The following THSD7A variants were observed in gnomAD, a reference collection of about 807,000 sequenced individuals.
The protein encoded by THSD7A is thrombospondin type-1 domain-containing protein 7A.
Under a neutral mutation model 231.3 loss-of-function variants are expected in THSD7A, and 96 were observed. The ratio of observed to expected loss-of-function variants is 0.41; its 90% confidence interval spans 0.35 to 0.49. The LOEUF (loss-of-function observed/expected upper bound fraction) is 0.49, where lower values mean the gene tolerates loss of function less well. Ranked by LOEUF, THSD7A falls within the 20% of genes least tolerant of loss-of-function variation. The probability of loss-of-function intolerance (pLI) is 0.05; values close to 1 mark genes in which losing one functional copy is unlikely to be tolerated. For synonymous variants in THSD7A, 940 were observed against 743.3 expected (o/e 1.26, Z -4.30); for missense variants, 2,290 against 2,070.2 (o/e 1.11, Z -2.06).
At chr7:11,822,110 A>G (rs1784892690) in intron 1 of THSD7A, among the ~76,000 whole-genome samples, 1 of 152,162 alleles carries the variant, frequency 6.6e-6, no homozygotes, top group South Asian at 2.1e-4. Context: ...TAGGTTGCAT[A>G]GTGATCAAGT....
chr7:11,810,261 CTG>C (rs1411322207), intron 1 of THSD7A, among the ~76,000 whole-genome samples: 3 of 152,168 alleles, frequency 2.0e-5, no homozygotes, highest in Admixed American at 2.0e-4. Flanking sequence ...ATAGCTGTCT[CTG>C]TGCCTTCGCC....
At chr7:11,584,755 C>G (rs1791323894) in intron 4 of THSD7A, among the ~76,000 whole-genome samples, 1 of 152,012 alleles carries the variant, frequency 6.6e-6, no homozygotes, top group Admixed American at 6.5e-5. Context: ...AAATTAGTGT[C>G]CAAACTGAAA....
At chr7:11,493,786 C>CT (rs1252198438) in intron 6 of THSD7A, among the ~76,000 whole-genome samples, 1 of 151,946 alleles carries the variant, frequency 6.6e-6, no homozygotes, top group Non-Finnish European at 1.5e-5. Flanking sequence ...AGACTGGACT[C>CT]TTTTTTGTTT....
intron 6 of THSD7A, among the ~76,000 whole-genome samples, chr7:11,491,668 T>C (rs746983031): frequency 6.6e-6 from 1 of 152,086 alleles, no homozygotes; most frequent in Non-Finnish European, 1.5e-5. Context: ...ATCACCCAAA[T>C]AGTCACATTC....
chr7:11,469,861 T>C lies in THSD7A; in HGVS notation c.2368+18A>G. 1 of 1,542,850 alleles carries C rather than the reference T, an allele frequency of 6.5e-7. No individual in the cohort carries two copies. On this transcript the variant is annotated intron_variant, in intron 9 of 27. Transcript: ENST00000423059. ...AGGTTTTCTAGGTGAACAGCCTTCC[T>C]AACTCTGCAGACCATACCTTCTTTA...
chr7:11,446,315 T>C lies in THSD7A; in HGVS notation c.2810A>G (p.Lys937Arg). The C allele has an allele frequency of 6.2e-7, 1 of 1,610,138 alleles. No individual in the cohort carries two copies. ...TRKRTLVGKS[K>R]KKEKCKNSHL... The stretch of plus-strand genomic sequence containing the variant: ...GGAATTTTTACATTTTTCCTTCTTT[T>C]TACTTTTTCCTGTGGAAGAGAAACA... Residue 937 changes from lysine to arginine, a missense_variant, in exon 13 of 28, where the codon AAA (lysine) becomes AGA (arginine). Coordinates refer to ENST00000423059, the MANE Select transcript of THSD7A (RefSeq NM_015204.3). This position sits in a 1 kb window ranked among gnomAD's most constrained non-coding sequence, Gnocchi z 4.0.
rs906851138 is a variant in THSD7A at position 11,830,440 on chromosome 7, G to A, written c.190+1317C>T. 3.9e-5 allele frequency among the ~76,000 whole-genome samples: 6 copies of A among 152,296 alleles called. No homozygotes were observed. In the East Asian group the frequency reaches 9.6e-4, roughly 24 times the overall value. ...TTTAACAAGTAAAACCCTAGCTTAC[G>A]CTAAATTAGAGATCTTCAAATCTTC... On this transcript the variant is annotated intron_variant, in intron 1 of 27. Coordinates refer to ENST00000423059, the MANE Select transcript of THSD7A (RefSeq NM_015204.3).
At chr7:11,535,316 T>G (rs1347408396) in intron 6 of THSD7A, among the ~76,000 whole-genome samples, 2 of 152,118 alleles carry the variant, frequency 1.3e-5, no homozygotes, top group Admixed American at 1.3e-4. Flanking sequence ...TGTATTGTAA[T>G]ACATACACAG....
intron 1 of THSD7A, among the ~76,000 whole-genome samples, chr7:11,707,324 G>T (rs560767289): frequency 1.4e-3 from 204 of 150,986 alleles, no homozygotes; most frequent in Middle Eastern, 3.4e-3. Context: ...TGCCCTTCTG[G>T]TTTGATTGCT....
chr7:11,484,599 C>T (rs1786569652), intron 6 of THSD7A, among the ~76,000 whole-genome samples: 1 of 152,126 alleles, frequency 6.6e-6, no homozygotes, highest in African/African-American at 2.4e-5. Context: ...CCGTATCTGT[C>T]TTGGTTGCTA....
chr7:11,595,564 A>C (rs992888515), intron 2 of THSD7A, among the ~76,000 whole-genome samples: 1 of 152,184 alleles, frequency 6.6e-6, no homozygotes, highest in African/African-American at 2.4e-5. Context: ...ATGTAGAGGA[A>C]GGGATCCAAA....
chr7:11,776,107 G>A (rs1263996776), intron 1 of THSD7A, among the ~76,000 whole-genome samples: 4 of 152,160 alleles, frequency 2.6e-5, no homozygotes, highest in Non-Finnish European at 5.9e-5. Context: ...AGCCCTGATT[G>A]GCCCAAGGGA....
rs557098672 is a variant in THSD7A at position 11,445,444 on chromosome 7, T to C, written c.3064+617A>G. On this transcript the variant is annotated intron_variant, in intron 13 of 27. Coordinates refer to ENST00000423059, the MANE Select transcript of THSD7A (RefSeq NM_015204.3). ...AATTGCTGCGTTTTTCCTTTCTTTT[T>C]TGGTTTAGAAAATAAAAGTGGGCAC... Among the ~76,000 whole-genome samples the C allele has an allele frequency of 2.6e-5, 4 of 152,140 alleles. No individual in the cohort carries two copies. In the South Asian group the frequency reaches 8.3e-4, roughly 32 times the overall value.
intron 27 of THSD7A, 68 bp from the exon 28 acceptor site, chr7:11,375,946 GA>G (rs1404974048): frequency 5.3e-5 from 77 of 1,456,160 alleles, no homozygotes; most frequent in Middle Eastern, 1.8e-4. Flanking sequence ...TGCTTTAAGC[GA>G]AAAAAAAGTA....
intron 1 of THSD7A, among the ~76,000 whole-genome samples, chr7:11,724,641 CA>C (rs575228898): frequency 3.3e-5 from 5 of 151,590 alleles, no homozygotes; most frequent in Admixed American, 1.3e-4. Context: ...ACTGGGAAGA[CA>C]AAAAAACAGT....
intron 4 of THSD7A, among the ~76,000 whole-genome samples, chr7:11,568,092 A>T (rs1223059159): frequency 1.3e-5 from 2 of 152,312 alleles, no homozygotes; most frequent in East Asian, 3.9e-4. Flanking sequence ...GAATTTAAAT[A>T]GTATTTTAAG....
Position 11,392,445 on chromosome 7 carries a change from A to G in THSD7A, c.4411+9350T>C, listed in dbSNP as rs112858701. ...CAGGGCCTTGGGTTTCAAGCACAAA[A>G]CTGGGTGGCTGTTTGGGCAGACACT... On this transcript the variant is annotated intron_variant, in intron 23 of 27. Transcript: ENST00000423059. Among the ~76,000 whole-genome samples the G allele has an allele frequency of 4.7e-3, 709 of 152,182 alleles. 6 individuals are homozygous for G. Among genetic ancestry groups the G allele is most frequent in the African/African-American group, 0.015 (623 of 41,524 alleles).
At chr7:11,669,390 A>T (rs1401560364) in intron 1 of THSD7A, among the ~76,000 whole-genome samples, 2 of 151,998 alleles carry the variant, frequency 1.3e-5, no homozygotes, top group Non-Finnish European at 2.9e-5. Flanking sequence ...TGCTAGAGAA[A>T]CAAAGAATAA....
chr7:11,393,597 G>C lies in THSD7A; in HGVS notation c.4411+8198C>G, dbSNP rs532422864. ...AGGAACACGTTCTAACAAACAGAAT[G>C]CAGGGAAGCTAAGAACCTTGAAAAA... On this transcript the variant is annotated intron_variant, in intron 23 of 27. Transcript: ENST00000423059. Among the ~76,000 whole-genome samples, 37 of 152,294 alleles carry C rather than the reference G, an allele frequency of 2.4e-4. 2 individuals carry two copies. The South Asian group carries it at 7.7e-3, about 32-fold the overall frequency.
Sources: gnomAD v4.1 joint callset for allele counts (sites outside exome capture counted in the v4.1 genomes callset) on GRCh38, gnomAD v4.1.1 for gene constraint, Gnocchi (gnomAD v3.1) non-coding constraint, MANE v1.5 for transcripts, NCBI Gene and HGNC (gene_info 2026-07-23, HGNC 2026-07-21) for gene names.